JAK1: variants seen among roughly 807,000 people sequenced by gnomAD.
JAK1 encodes tyrosine-protein kinase JAK1.
Under a neutral mutation model 136.6 loss-of-function variants are expected in JAK1, and 16 were observed. The ratio of observed to expected loss-of-function variants is 0.12; its 90% confidence interval spans 0.08 to 0.18. The LOEUF (loss-of-function observed/expected upper bound fraction) is 0.18. JAK1 is among the 10% of genes least tolerant of loss of function. The pLI, the probability that JAK1 is intolerant of heterozygous loss-of-function variation, is 1.00. For synonymous variants in JAK1, 492 were observed against 519.5 expected (o/e 0.95, Z 0.72); for missense variants, 859 against 1,450.1 (o/e 0.59, Z 6.62).
intron 11 of JAK1, among the ~76,000 whole-genome samples, chr1:64,853,499 A>T (rs1279869633): frequency 6.6e-6 from 1 of 152,192 alleles, no homozygotes; most frequent in Non-Finnish European, 1.5e-5. Flanking sequence ...GGACTAAATG[A>T]CTTAAAACAT....
At chr1:65,026,578 C>A (rs899865453) in intron 2 of JAK1, among the ~76,000 whole-genome samples, 4 of 152,174 alleles carry the variant, frequency 2.6e-5, no homozygotes, top group African/African-American at 9.7e-5. Flanking sequence ...CCATTGGTAG[C>A]CCCAGAATTT....
At chr1:64,899,273 T>G (rs1645069975) in intron 1 of JAK1, among the ~76,000 whole-genome samples, 1 of 152,172 alleles carries the variant, frequency 6.6e-6, no homozygotes, top group Non-Finnish European at 1.5e-5. Context: ...ATAATCATGG[T>G]GAAAAGGTGA....
intron 1 of JAK1, among the ~76,000 whole-genome samples, chr1:64,917,776 A>G (rs756771813): frequency 6.6e-6 from 1 of 152,132 alleles, no homozygotes; most frequent in Non-Finnish European, 1.5e-5. Flanking sequence ...GGAGCAGCAC[A>G]TTCCTCTTGA....
intron 1 of JAK1, among the ~76,000 whole-genome samples, chr1:65,054,098 G>A (rs547720308): frequency 2.6e-5 from 4 of 152,070 alleles, no homozygotes; most frequent in African/African-American, 7.2e-5. Context: ...AAACAGATAC[G>A]GTCCACAAAT....
At chr1:64,994,254 T>C (rs1202871506) in intron 2 of JAK1, among the ~76,000 whole-genome samples, 3 of 152,234 alleles carry the variant, frequency 2.0e-5, no homozygotes, top group African/African-American at 7.2e-5. Context: ...AGCCATTTCA[T>C]ATTGTACACA....
intron 1 of JAK1, among the ~76,000 whole-genome samples, chr1:64,942,843 T>C (rs1645915025): frequency 6.6e-6 from 1 of 152,196 alleles, no homozygotes; most frequent in South Asian, 2.1e-4. Context: ...CTCAGTTGCT[T>C]ACACCACTTT....
At chr1:64,848,261 G>C (rs980615841) in intron 12 of JAK1, among the ~76,000 whole-genome samples, 3 of 152,188 alleles carry the variant, frequency 2.0e-5, no homozygotes, top group African/African-American at 7.2e-5. Flanking sequence ...CACACGGGGG[G>C]ATGCGTAGAA....
intron 2 of JAK1, among the ~76,000 whole-genome samples, chr1:64,974,876 GTTTTGT>G (rs1646484260): frequency 6.6e-6 from 1 of 151,912 alleles, no homozygotes; most frequent in South Asian, 2.1e-4. Context: ...TTTTTGTTTT[GTTTTGT>G]TTTTGTTTGT....
intron 2 of JAK1, among the ~76,000 whole-genome samples, chr1:65,031,576 G>A (rs946260661): frequency 6.6e-6 from 1 of 152,086 alleles, no homozygotes; most frequent in Non-Finnish European, 1.5e-5. Flanking sequence ...GACATTATTA[G>A]GGCAATTAAT....
chr1:64,888,253 C>T (rs1055522140), intron 1 of JAK1, among the ~76,000 whole-genome samples: 1 of 152,252 alleles, frequency 6.6e-6, no homozygotes, highest in Non-Finnish European at 1.5e-5. Context: ...ATGATCTCAG[C>T]TCACTGCAAC....
chr1:64,979,436 A>G (rs1646524454), intron 2 of JAK1: 1 of 152,176 alleles, frequency 6.6e-6, no homozygotes, highest in Non-Finnish European at 1.5e-5. Flanking sequence ...AATAGAAAAG[A>G]ATTAGATGTG....
intron 1 of JAK1, 142 bp downstream of exon 1, chr1:64,966,191 C>G (rs1429991194): frequency 6.6e-6 from 1 of 151,824 alleles, no homozygotes; most frequent in Admixed American, 6.6e-5. Flanking sequence ...GGGTCCTGAG[C>G]TGCGCTCAGG....
intron 2 of JAK1, chr1:64,979,783 A>G (rs143144875): frequency 1.3e-5 from 2 of 152,338 alleles, no homozygotes; most frequent in East Asian, 3.9e-4. Flanking sequence ...CATAAATGTC[A>G]TAAGATTTCA....
chr1:64,853,447 G>A (rs1655725168), intron 11 of JAK1, among the ~76,000 whole-genome samples: 1 of 152,158 alleles, frequency 6.6e-6, no homozygotes, highest in Admixed American at 6.5e-5. Flanking sequence ...GTGATCTTGG[G>A]CATGTATAAT....
At chr1:64,998,458 T>C (rs533677616) in intron 2 of JAK1, among the ~76,000 whole-genome samples, 106 of 152,302 alleles carry the variant, frequency 7.0e-4, no homozygotes, top group African/African-American at 2.0e-3. Context: ...ATGTAACATG[T>C]TTTTAGACTC....
chr1:64,913,095 T>G (rs759933082), intron 1 of JAK1, among the ~76,000 whole-genome samples: 2 of 152,172 alleles, frequency 1.3e-5, no homozygotes, highest in Non-Finnish European at 2.9e-5. Context: ...CTTGGCTCAC[T>G]GCAATCTTGG....
chr1:64,868,990 G>GA (rs1656895453), intron 6 of JAK1, among the ~76,000 whole-genome samples: 1 of 152,106 alleles, frequency 6.6e-6, no homozygotes, highest in Non-Finnish European at 1.5e-5. Flanking sequence ...AAAACAAAAG[G>GA]AAAAAATGCA....
At chr1:64,941,199 T>C (rs1645884436) in intron 1 of JAK1, among the ~76,000 whole-genome samples, 1 of 152,170 alleles carries the variant, frequency 6.6e-6, no homozygotes, top group South Asian at 2.1e-4. Context: ...TAGTTGAAGT[T>C]TTGTGGTTAT....
At chr1:65,042,323 C>CAG (rs1296927609) in intron 2 of JAK1, among the ~76,000 whole-genome samples, 2 of 151,946 alleles carry the variant, frequency 1.3e-5, no homozygotes, top group Non-Finnish European at 2.9e-5. Context: ...AATCCTGAAC[C>CAG]AATCTCCCTC....
Sources: gnomAD v4.1 joint callset for allele counts (sites outside exome capture counted in the v4.1 genomes callset) on GRCh38, gnomAD v4.1.1 for gene constraint, MANE v1.5 for transcripts, NCBI Gene and HGNC (gene_info 2026-07-23, HGNC 2026-07-21) for gene names.